Variants in AMELX observed in about 807,000 individuals in gnomAD.
AMELX encodes the protein amelogenin X-linked, also known as amelogenin, X isoform.
A neutral mutation model predicts 15.8 loss-of-function variants in AMELX; 9 were observed. The observed-to-expected ratio is 0.57, with a 90% CI of 0.34 to 0.99. The LOEUF (loss-of-function observed/expected upper bound fraction) is 0.99. AMELX is among the 50% of genes least tolerant of loss of function. AMELX has a pLI of 0.02. For missense variants in AMELX, 107 were observed against 156.2 expected (o/e 0.68, Z 1.68); for synonymous variants, 61 against 58.8 (o/e 1.04, Z -0.17).
the AMELX span, among the ~76,000 whole-genome samples, chrX:11,309,522 G>T: frequency 9.0e-6 from 1 of 111,286 alleles, no homozygotes; most frequent in South Asian, 3.9e-4. Flanking sequence ...CCCAGGCACA[G>T]AAGGCTGAAA....
Position 11,294,831 on chromosome X carries a change from T to G in AMELX, c.43T>G (p.Phe15Val). Reference protein sequence around the residue: ...ILFACLLGAAFAMPLPPHPGH... With the variant: ...ILFACLLGAAVAMPLPPHPGH... ...ATTTGCCTGCCTCCTGGGAGCAGCT[T>G]TTGCCATGCCTGTGAGTAAAACACC... Residue 15 changes from phenylalanine (F) to valine (V), a missense_variant, in exon 2 of 6, where the codon TTT becomes GTT. Physicochemically the swap from Phe to Val is conservative, Grantham distance 50. Transcript: ENST00000380714. 4.1e-6 allele frequency: 5 copies of G among 1,211,579 alleles called. No homozygotes were observed. The highest frequency in any genetic ancestry group is 5.6e-6 in the Non-Finnish European group (5 of 895,344).
At chrX:11,298,516 A>C in intron 4 of AMELX, 32 bp from the exon 5 acceptor site, 1 of 1,210,475 alleles carries the variant, frequency 8.3e-7, no homozygotes, top group Non-Finnish European at 1.1e-6. Context: ...CACCTGAGCC[A>C]ATGGTAAACC....
intron 3 of AMELX, among the ~76,000 whole-genome samples, chrX:11,297,371 A>G (rs1055104386): frequency 8.9e-6 from 1 of 111,961 alleles, no homozygotes; most frequent in Non-Finnish European, 1.9e-5. Context: ...GATTTTGGGC[A>G]AATCATTTCC....
chrX:11,298,827 C>T lies in AMELX; in HGVS notation c.424C>T (p.Pro142Ser). ...GCCACAGCCTCACCAGCCCATGCAG[C>T]CCCAGCCACCTGTGCACCCCATGCA... The part of the protein sequence containing the change: ...VQPQPHQPMQ[P>S]QPPVHPMQPL... Residue 142 changes from proline to serine, a missense_variant, in exon 5 of 6, where the codon CCC becomes TCC. Transcript: ENST00000380714. 8.3e-7 allele frequency: 1 copy of T among 1,211,085 alleles called. No homozygotes were observed. Among genetic ancestry groups the T allele is most frequent in the South Asian group, 1.8e-5 (1 of 56,878 alleles).
chrX:11,306,855 C>T, the AMELX span, among the ~76,000 whole-genome samples: 5 of 111,964 alleles, frequency 4.5e-5, no homozygotes, highest in Admixed American at 4.7e-4. Flanking sequence ...AATGAAGAAT[C>T]CCTAACTCAT....
Position 11,298,788 on chromosome X carries a change from C to A in AMELX, c.385C>A (p.Pro129Thr), listed in dbSNP as rs938995045. The change falls in exon 5 of 6, where the codon CCC becomes ACC. Residue 129 changes from proline to threonine, a missense_variant. By Grantham distance (38) the Pro-to-Thr change is conservative. Transcript: ENST00000380714. ...LPPPAQQPYQ[P>T]QPVQPQPHQP... ...TCCGCCCGCCCAGCAGCCCTACCAGCCCCAGCCTGTTCAGCCACAGCCTCA... is the reference window on the plus strand; with the variant it reads ...TCCGCCCGCCCAGCAGCCCTACCAGACCCAGCCTGTTCAGCCACAGCCTCA... 8.3e-7 allele frequency: 1 copy of A among 1,208,650 alleles called. No individual in the cohort carries two copies. Among genetic ancestry groups the A allele is most frequent in the African/African-American group, 1.8e-5 (1 of 56,753 alleles).
chrX:11,304,381 T>C (rs1339525227), downstream of AMELX, among the ~76,000 whole-genome samples: 1 of 111,483 alleles, frequency 9.0e-6, no homozygotes, highest in Non-Finnish European at 1.9e-5. Context: ...TGAGCCACCA[T>C]GCCCGGCCCA....
chrX:11,298,102 G>C, intron 3 of AMELX, 134 bp from the exon 4 acceptor site: 1 of 1,211,281 alleles, frequency 8.3e-7, no homozygotes, highest in Non-Finnish European at 1.1e-6. Context: ...TTCTTTTGTA[G>C]AACTCACATT....
chrX:11,301,208 A>C (rs1351955943), downstream of AMELX, among the ~76,000 whole-genome samples: 4 of 111,989 alleles, frequency 3.6e-5, no homozygotes, highest in Admixed American at 3.8e-4. Flanking sequence ...AAATGAAATT[A>C]TGTGATATGC....
At chrX:11,297,721 C>T (rs749192334) in intron 3 of AMELX, among the ~76,000 whole-genome samples, 2 of 111,796 alleles carry the variant, frequency 1.8e-5, no homozygotes, top group African/African-American at 3.2e-5. Flanking sequence ...TCTGTTGAAC[C>T]GAAAAGATTG....
downstream of AMELX, among the ~76,000 whole-genome samples, chrX:11,304,011 C>T (rs1330666297): frequency 9.0e-6 from 1 of 111,720 alleles, no homozygotes; most frequent in Non-Finnish European, 1.9e-5. Flanking sequence ...GAGAACACTA[C>T]CCAGTTGGAA....
downstream of AMELX, among the ~76,000 whole-genome samples, chrX:11,302,665 T>G (rs1039177898): frequency 1.3e-4 from 14 of 111,438 alleles, no homozygotes; most frequent in Non-Finnish European, 7.5e-5. Context: ...TGGGTTTACC[T>G]GTAGTAAAAA....
intron 3 of AMELX, among the ~76,000 whole-genome samples, chrX:11,297,618 C>A (rs1303065560): frequency 9.0e-6 from 1 of 111,725 alleles, no homozygotes; most frequent in East Asian, 2.8e-4. Flanking sequence ...GAATAAGATT[C>A]TTACTTCTCT....
At chrX:11,296,708 C>T in intron 2 of AMELX, 71 bp from the exon 3 acceptor site, 2 of 1,066,100 alleles carry the variant, frequency 1.9e-6, no homozygotes, top group East Asian at 3.0e-5. Flanking sequence ...TAATCTCTTC[C>T]TCTCTCTTCT....
chrX:11,294,483 G>A (rs1020534984), intron 1 of AMELX, among the ~76,000 whole-genome samples: 5 of 111,772 alleles, frequency 4.5e-5, no homozygotes, highest in Admixed American at 9.5e-5. Context: ...ACTAAGGGCT[G>A]TATAGGCATA....
chrX:11,294,550 T>G (rs932145730), intron 1 of AMELX, among the ~76,000 whole-genome samples: 2 of 112,112 alleles, frequency 1.8e-5, no homozygotes, highest in Non-Finnish European at 3.8e-5. Context: ...TGTAACTTGT[T>G]TAGCCCTCAA....
At chrX:11,305,750 C>T (rs1348134271), downstream of AMELX, among the ~76,000 whole-genome samples, 1 of 111,847 alleles carries the variant, frequency 8.9e-6, no homozygotes, top group Admixed American at 9.5e-5. Context: ...ATAAAGTGGG[C>T]AGTAATTTAA....
chrX:11,298,394 G>T, intron 4 of AMELX, 117 bp downstream of exon 4: 1 of 1,122,357 alleles, frequency 8.9e-7, no homozygotes, highest in South Asian at 1.8e-5. Context: ...AATTTAGTTT[G>T]TAAAAAATCA....
At chrX:11,307,335 G>C in the AMELX span, among the ~76,000 whole-genome samples, 2 of 110,596 alleles carry the variant, frequency 1.8e-5, no homozygotes, top group African/African-American at 3.3e-5. Flanking sequence ...TAATTGGCTT[G>C]CATACTCTCT....
Sources: allele counts gnomAD v4.1 joint callset (sites outside exome capture counted in the v4.1 genomes callset), GRCh38; gene constraint gnomAD v4.1.1; transcripts MANE v1.5; gene names NCBI Gene and HGNC (gene_info 2026-07-23, HGNC 2026-07-21).